Variants in PLIN3 observed in about 807,000 individuals in gnomAD.
PLIN3 encodes perilipin 3.
Under a neutral mutation model 35.9 loss-of-function variants are expected in PLIN3, and 30 were observed. That is an observed-to-expected ratio of 0.84 (90% CI 0.62 to 1.13). PLIN3 has a LOEUF of 1.13. PLIN3 is among the 50% of genes most tolerant of loss of function. PLIN3 has a pLI of 0.00. For missense variants in PLIN3, 603 were observed against 596.9 expected, an observed-to-expected ratio of 1.01 and a Z score of -0.11; for synonymous variants, 261 against 262.5, an observed-to-expected ratio of 0.99 and a Z score of 0.06.
At chr19:4,854,889 A>C (rs988939215) in intron 4 of PLIN3, among the ~76,000 whole-genome samples, 1 of 151,832 alleles carries the variant, frequency 6.6e-6, no homozygotes, top group Non-Finnish European at 1.5e-5. Context: ...CTGAGGTGGG[A>C]GGATCGCTTG....
At chr19:4,863,533 C>T (rs262547) in intron 1 of PLIN3, among the ~76,000 whole-genome samples, 81,460 of 147,188 alleles carry the variant, frequency 0.55, 23,121 homozygotes, top group Non-Finnish European at 0.61. Flanking sequence ...ATGTAACTCA[C>T]ATGGGCCAGA....
In PLIN3 at chr19:4,860,379, A is replaced by G. The variant is rs964798983; in HGVS notation, c.67-355T>C. Among the ~76,000 whole-genome samples the G allele has an allele frequency of 1.1e-4, 16 of 151,580 alleles. No individual in the cohort carries two copies. In the South Asian group the frequency reaches 1.5e-3, roughly 14 times the overall value. On this transcript the variant is annotated intron_variant, in intron 2 of 7. Coordinates refer to ENST00000221957, the MANE Select transcript of PLIN3 (RefSeq NM_005817.5). ...CACCACGCCCAGCTAATTTTTTTGT[A>G]TTTTTAGTAGAGATGGGGTTTCACC...
intron 4 of PLIN3, among the ~76,000 whole-genome samples, chr19:4,858,855 C>A (rs551821483): frequency 2.0e-5 from 3 of 151,852 alleles, no homozygotes; most frequent in African/African-American, 7.3e-5. Context: ...GCACCCGCTA[C>A]CACACCCAGA....
In PLIN3 at chr19:4,859,985, T is replaced by G. The variant is rs750912338; in HGVS notation, c.106A>C (p.Ser36Arg). Residue 36 changes from serine to arginine, a missense_variant, in exon 3 of 8, where the codon AGC (serine) becomes CGC (arginine). Ser to Arg is a moderately radical substitution (Grantham distance 110). Transcript: ENST00000221957. Reference protein sequence around the residue: ...VDRVASMPLISSTCDMVSAAY... With the variant: ...VDRVASMPLIRSTCDMVSAAY... Reference sequence around the variant, plus strand: ...GCGGACACCATGTCGCAGGTGGAGCTGATCAGAGGCATGCTGGCCACACGG... The same window carrying G: ...GCGGACACCATGTCGCAGGTGGAGCGGATCAGAGGCATGCTGGCCACACGG... The G allele has an allele frequency of 6.2e-7, 1 of 1,614,050 alleles. No individual in the cohort carries two copies. The highest frequency in any genetic ancestry group is 1.3e-5 in the African/African-American group (1 of 75,010).
chr19:4,839,784 G>C (rs111842435), intron 7 of PLIN3, among the ~76,000 whole-genome samples: 2 of 140,054 alleles, frequency 1.4e-5, no homozygotes, highest in African/African-American at 5.8e-5. Flanking sequence ...TCCTGCCTCA[G>C]CCTCCCGAGT....
intron 7 of PLIN3, among the ~76,000 whole-genome samples, chr19:4,840,514 A>AGG (rs1272798294): frequency 9.2e-5 from 14 of 152,240 alleles, no homozygotes; most frequent in Non-Finnish European, 1.0e-4. Context: ...CAGCCTCCCA[A>AGG]AATGCTGGAA....
intron 4 of PLIN3, among the ~76,000 whole-genome samples, chr19:4,854,129 C>T (rs1049165432): frequency 6.6e-6 from 1 of 151,926 alleles, no homozygotes; most frequent in Non-Finnish European, 1.5e-5. Flanking sequence ...GACAAGGACT[C>T]TCCATGTTGC....
chr19:4,842,628 C>A (rs111693413), intron 7 of PLIN3, among the ~76,000 whole-genome samples: 4 of 135,592 alleles, frequency 3.0e-5, no homozygotes, highest in South Asian at 2.3e-4. Flanking sequence ...AAAAAAGGCA[C>A]ACACTGGGAG....
rs750348493 is a variant in PLIN3, at chr19:4,847,797, G to A, written c.728C>T (p.Ser243Leu). ...ATAGGCGTGCTGCCGCAGCCTCTCCGACAGGGAGCCCAGACGTACGAAGTA... is the reference window on the plus strand; with the variant it reads ...ATAGGCGTGCTGCCGCAGCCTCTCCAACAGGGAGCCCAGACGTACGAAGTA... ...QSYFVRLGSLSERLRQHAYEH... is the reference protein window; with the variant it reads ...QSYFVRLGSLLERLRQHAYEH... The change falls in exon 6 of 8, where the codon TCG becomes TTG. Residue 243 changes from serine (S) to leucine (L), a missense_variant. Physicochemically the swap from Ser to Leu is moderately radical, Grantham distance 145 (BLOSUM62 -2). Coordinates refer to ENST00000221957, the MANE Select transcript of PLIN3 (RefSeq NM_005817.5). The A allele has an allele frequency of 3.0e-5, 48 of 1,613,620 alleles. No homozygotes were observed. Among genetic ancestry groups the A allele is most frequent in the Middle Eastern group, 1.6e-4 (1 of 6,080 alleles).
chr19:4,843,574 G>A (rs994752274), intron 7 of PLIN3, among the ~76,000 whole-genome samples: 21 of 152,120 alleles, frequency 1.4e-4, no homozygotes, highest in South Asian at 4.1e-4. Flanking sequence ...GCTCATGCCT[G>A]TAATCCCAGT....
intron 5 of PLIN3, among the ~76,000 whole-genome samples, chr19:4,849,376 T>C (rs564926828): frequency 1.3e-5 from 2 of 151,196 alleles, no homozygotes; most frequent in South Asian, 2.1e-4. Flanking sequence ...GGTGCAATCA[T>C]AGCTCACTGT....
intron 4 of PLIN3, among the ~76,000 whole-genome samples, chr19:4,852,743 C>G (rs921619719): frequency 2.0e-5 from 3 of 151,978 alleles, no homozygotes; most frequent in African/African-American, 7.3e-5. Context: ...CGGGTTCAAG[C>G]AGTTCTCCTG....
chr19:4,839,683 T>C (rs2029870753), intron 7 of PLIN3, 147 bp from the exon 8 acceptor site: 1 of 518,904 alleles, frequency 1.9e-6, no homozygotes, highest in Non-Finnish European at 3.2e-6. Context: ...TTTTTTTTTT[T>C]GAGACGGAGT....
intron 5 of PLIN3, among the ~76,000 whole-genome samples, chr19:4,850,235 C>T (rs548147108): frequency 1.5e-4 from 22 of 151,598 alleles, no homozygotes; most frequent in African/African-American, 3.6e-4. Flanking sequence ...TGAGCCACTG[C>T]GCCCAGCTGC....
At chr19:4,851,935 A>G in intron 5 of PLIN3, 81 bp downstream of exon 5, 1 of 1,441,454 alleles carries the variant, frequency 6.9e-7, no homozygotes, top group South Asian at 1.3e-5. Flanking sequence ...GAGTGTCGGC[A>G]CAGACCCCAG....
rs543414210 is a variant in PLIN3 at position 4,843,313 on chromosome 19, C to T, written c.960+1355G>A. On this transcript the variant is annotated intron_variant, in intron 7 of 7. Coordinates refer to ENST00000221957, the MANE Select transcript of PLIN3 (RefSeq NM_005817.5). ...CAAGGTCAGCAGATCAAGACCATCC[C>T]GGGTAACACGGTGAAATCGCGTCTC... 4.6e-5 allele frequency among the ~76,000 whole-genome samples: 7 copies of T among 151,906 alleles called. No homozygotes were observed. The South Asian group carries it at 6.2e-4, about 14-fold the overall frequency.
chr19:4,848,410 G>A (rs73528874), intron 5 of PLIN3, among the ~76,000 whole-genome samples: 247 of 152,354 alleles, frequency 1.6e-3, no homozygotes, highest in African/African-American at 5.8e-3. Context: ...ACAGGAATCA[G>A]AGACCTTAGA....
rs148608877 is a variant in PLIN3 at position 4,864,971 on chromosome 19, C to A, written c.-18+2638G>T. ...CGCTGGGAGGCTGAGGTGGGTGGAT[C>A]ATGAGGTCAGGAGTTCAAGAGCAGC... On this transcript the variant is annotated intron_variant, in intron 1 of 7. Coordinates refer to ENST00000221957, the MANE Select transcript of PLIN3 (RefSeq NM_005817.5). Among the ~76,000 whole-genome samples the A allele has an allele frequency of 4.2e-4, 64 of 152,152 alleles. 1 individual carries two copies. The East Asian group carries it at 0.011, about 26-fold the overall frequency.
At chr19:4,854,146 T>C (rs1037922728) in intron 4 of PLIN3, among the ~76,000 whole-genome samples, 4 of 152,030 alleles carry the variant, frequency 2.6e-5, no homozygotes, top group Non-Finnish European at 5.9e-5. Flanking sequence ...TTGCCCAGGC[T>C]GGTTTCGAAC....
Sources: gnomAD v4.1 joint callset for allele counts (sites outside exome capture counted in the v4.1 genomes callset) on GRCh38, gnomAD v4.1.1 for gene constraint, MANE v1.5 for transcripts, NCBI Gene and HGNC (gene_info 2026-07-23, HGNC 2026-07-21) for gene names.